The following PWWP3A variants were observed in gnomAD, a reference collection of about 807,000 sequenced individuals.
PWWP3A encodes PWWP domain-containing DNA repair factor 3A.
In PWWP3A, 53 loss-of-function variants were observed where a neutral mutation model predicts 79.0. The observed-to-expected ratio is 0.67, with a 90% CI of 0.54 to 0.84. PWWP3A has a LOEUF of 0.84. Among genes scored for constraint, PWWP3A ranks in the 40% least tolerant of loss-of-function variants. The pLI is 0.00. For synonymous variants in PWWP3A, 443 were observed against 394.4 expected, an observed-to-expected ratio of 1.12 and a Z score of -1.46; for missense variants, 973 against 948.0, an observed-to-expected ratio of 1.03 and a Z score of -0.35.
At chr19:1,356,198 G>T in intron 1 of PWWP3A, 126 bp from the exon 2 acceptor site, 354 of 530,260 alleles carry the variant, frequency 6.7e-4, no homozygotes, top group Middle Eastern at 1.4e-3. Flanking sequence ...GCATCTCAAT[G>T]CAAGATTGTG....
In PWWP3A at chr19:1,375,091, C is replaced by T. The variant is rs552223935; in HGVS notation, c.2076-1428C>T. Among the ~76,000 whole-genome samples, 15 of 150,806 alleles carry T rather than the reference C, an allele frequency of 9.9e-5. No homozygotes were observed. In the South Asian group the frequency reaches 1.7e-3, roughly 17 times the overall value. ...AAAAAAAACCAAGCATGGTGGCACG[C>T]GCCTATAGTCAGTCCCAGCTACTCA... On this transcript the variant is annotated intron_variant, in intron 13 of 13. Coordinates refer to ENST00000591337, the MANE Select transcript of PWWP3A (RefSeq NM_001369789.1).
rs537706376 is a variant in PWWP3A at position 1,369,759 on chromosome 19, C to T, written c.1549+113C>T. On this transcript the variant is annotated intron_variant, in intron 11 of 13. Coordinates refer to ENST00000591337, the MANE Select transcript of PWWP3A (RefSeq NM_001369789.1). The surrounding 1 kb of genome is among the most constrained non-coding windows in gnomAD (Gnocchi z 4.0). ...GACGTTGGGGTCAAGGCACTGTCCGCAGCCACACAGCATTGTTCAACCTCT... is the reference window on the plus strand; with the variant it reads ...GACGTTGGGGTCAAGGCACTGTCCGTAGCCACACAGCATTGTTCAACCTCT... 114 of 1,148,588 alleles carry T rather than the reference C, an allele frequency of 9.9e-5. 2 individuals carry two copies. The South Asian group carries it at 1.1e-3, about 11-fold the overall frequency. The allele number at this position is 1,148,588 out of a possible 1,614,324, so 71.1% of individuals were successfully genotyped here.
intron 13 of PWWP3A, among the ~76,000 whole-genome samples, chr19:1,376,219 G>A: frequency 6.8e-6 from 1 of 147,410 alleles, no homozygotes; most frequent in South Asian, 2.3e-4. Context: ...ACCACCTCCC[G>A]GTTTCAAGCG....
chr19:1,362,044 C>T, intron 5 of PWWP3A: 1 of 398,666 alleles, frequency 2.5e-6, no homozygotes, highest in Non-Finnish European at 4.6e-6. Context: ...TCCCTCCTTC[C>T]CTCCTTCCCT....
In PWWP3A at chr19:1,369,563, T is replaced by G; in HGVS notation, c.1499-33T>G. On this transcript the variant is annotated intron_variant, in intron 10 of 13. Coordinates refer to ENST00000591337, the MANE Select transcript of PWWP3A (RefSeq NM_001369789.1). This position sits in a 1 kb window ranked among gnomAD's most constrained non-coding sequence, Gnocchi z 4.0. The stretch of plus-strand genomic sequence containing the variant: ...CACTTCCTGGGACTCCTCTTAGGTC[T>G]ACACAGTGCTCTCTCCCCTCCACCC... 6.2e-7 allele frequency: 1 copy of G among 1,613,600 alleles called. No individual in the cohort carries two copies. Among genetic ancestry groups the G allele is most frequent in the South Asian group, 1.1e-5 (1 of 91,070 alleles).
intron 3 of PWWP3A, chr19:1,358,088 A>C (rs2081923670): frequency 2.9e-6 from 1 of 345,236 alleles, no homozygotes; most frequent in Non-Finnish European, 5.2e-6. Flanking sequence ...AATCTAACAA[A>C]GGAGTGATTT....
intron 8 of PWWP3A, 94 bp from the exon 9 acceptor site, chr19:1,367,066 C>CG (rs1460868022): frequency 1.3e-5 from 12 of 955,224 alleles, no homozygotes; most frequent in Non-Finnish European, 1.3e-5. Context: ...GGGCCTCCAG[C>CG]GGCCTCCACT....
intron 13 of PWWP3A, among the ~76,000 whole-genome samples, chr19:1,374,676 C>G (rs2082328602): frequency 6.6e-6 from 1 of 152,136 alleles, no homozygotes; most frequent in South Asian, 2.1e-4. Flanking sequence ...GCTAGCTAAG[C>G]AATTGTTATA....
At chr19:1,366,169 G>A (rs2082123563) in intron 7 of PWWP3A, 136 bp from the exon 8 acceptor site, 1 of 782,846 alleles carries the variant, frequency 1.3e-6, no homozygotes. Flanking sequence ...GCGCCTCCTT[G>A]CGGGAGACTT....
Position 1,356,431 on chromosome 19 carries a change from G to A in PWWP3A, c.39G>A (p.Lys13=). 1 of 1,614,210 alleles carries A rather than the reference G, an allele frequency of 6.2e-7. No individual in the cohort carries two copies. The highest frequency in any genetic ancestry group is 8.5e-7 in the Non-Finnish European group (1 of 1,180,020). The change falls in exon 2 of 14, where the codon AAG becomes AAA. Residue 13 remains lysine (K), a synonymous_variant. Coordinates refer to ENST00000591337, the MANE Select transcript of PWWP3A (RefSeq NM_001369789.1). ...DAKYVLCRWE[K]RLWPAKVLAR... ...AGTATGTCCTCTGCCGATGGGAAAA[G>A]CGATTATGGCCTGCGAAGGTGACAG...
At chr19:1,370,545 A>T in intron 11 of PWWP3A, 97 bp from the exon 12 acceptor site, 2 of 1,149,896 alleles carry the variant, frequency 1.7e-6, no homozygotes, top group Non-Finnish European at 2.4e-6. Context: ...GTCTGCCCCC[A>T]TCCCTGCCAT....
At chr19:1,376,122 C>CTTTT (rs764962400) in intron 13 of PWWP3A, among the ~76,000 whole-genome samples, 1 of 107,650 alleles carries the variant, frequency 9.3e-6, no homozygotes, top group Non-Finnish European at 1.9e-5. Flanking sequence ...CTGTCATACT[C>CTTTT]TTTTTTTTTT....
chr19:1,375,880 A>ACTGCAACCC (rs113933110), intron 13 of PWWP3A, among the ~76,000 whole-genome samples: 23,831 of 141,468 alleles, frequency 0.17, 2,138 homozygotes, highest in African/African-American at 0.24. Context: ...GTCTCGGCCC[A>ACTGCAACCC]CTGCAACCCC....
intron 4 of PWWP3A, chr19:1,359,266 G>C (rs2081956627): frequency 6.5e-6 from 1 of 153,172 alleles, no homozygotes; most frequent in Non-Finnish European, 1.5e-5. Context: ...AGATGGACCG[G>C]AATTCCTTCC....
chr19:1,360,226 C>G lies in PWWP3A; in HGVS notation c.305C>G (p.Ser102Trp). ...GCTCTGGACGTTCTGAGCGAGGGCT[C>G]GATTTGGAGTCAAGAAAGCTCTGCA... is the stretch of plus-strand genomic sequence containing the variant. ...RVALDVLSEG[S>W]IWSQESSAGT... The change falls in exon 5 of 14, where the codon TCG becomes TGG. Residue 102 changes from serine (S) to tryptophan (W), a missense_variant. Transcript: ENST00000591337. The surrounding 1 kb of genome is among the most constrained non-coding windows in gnomAD (Gnocchi z 4.4). 6.2e-7 allele frequency: 1 copy of G among 1,613,750 alleles called. No individual in the cohort carries two copies. The highest frequency in any genetic ancestry group is 2.2e-5 in the East Asian group (1 of 44,870).
intron 13 of PWWP3A, among the ~76,000 whole-genome samples, chr19:1,376,295 G>GTTTTTTTTTTTTTTTTTTTTT (rs754438911): frequency 3.0e-4 from 20 of 67,056 alleles, no homozygotes; most frequent in Non-Finnish European, 4.8e-4. Flanking sequence ...CCGGCTGTTT[G>GTTTTTTTTTTTTTTTTTTTTT]TTTTTTTTTT....
At chr19:1,358,167 C>G (rs2081924964) in intron 3 of PWWP3A, 1 of 482,950 alleles carries the variant, frequency 2.1e-6, no homozygotes, top group Non-Finnish European at 3.6e-6. Context: ...TTAAATCCAG[C>G]CAACCTTTTC....
intron 12 of PWWP3A, chr19:1,371,566 CT>C (rs2082261218): frequency 1.6e-6 from 1 of 608,006 alleles, no homozygotes; most frequent in Non-Finnish European, 2.9e-6. Flanking sequence ...CGAACTTCAG[CT>C]GCGGATTTGG....
rs2082092042 is a variant in PWWP3A at position 1,364,703 on chromosome 19, G to A, written c.1284+124G>A. On this transcript the variant is annotated intron_variant, in intron 7 of 13. Transcript: ENST00000591337. ...ATGTTTTCATTGTTTTGTTTTTCCT[G>A]GGAAAAGTTGGTGGGTTTTTAGAAA... 15 of 862,592 alleles carry A rather than the reference G, an allele frequency of 1.7e-5. No individual in the cohort carries two copies. In the South Asian group the frequency reaches 1.7e-4, roughly 10 times the overall value. 53.4% of individuals were successfully genotyped at this position (862,592 alleles called of 1,614,324 possible).
Sources: gnomAD v4.1 joint callset for allele counts (sites outside exome capture counted in the v4.1 genomes callset) on GRCh38, gnomAD v4.1.1 for gene constraint, Gnocchi (gnomAD v3.1) non-coding constraint, MANE v1.5 for transcripts, NCBI Gene and HGNC (gene_info 2026-07-23, HGNC 2026-07-21) for gene names.